ALMS1: variants seen among roughly 807,000 people sequenced by gnomAD.
The protein encoded by ALMS1 is ALMS1 centrosome and basal body associated protein, also known as centrosome-associated protein ALMS1.
In ALMS1, 271 loss-of-function variants were observed where a neutral mutation model predicts 352.2. The ratio of observed to expected loss-of-function variants is 0.77; its 90% confidence interval spans 0.70 to 0.85. The LOEUF is 0.85. Among genes scored for constraint, ALMS1 ranks in the 40% least tolerant of loss-of-function variants. ALMS1 has a pLI of 0.00. For missense variants in ALMS1, 5,445 were observed against 4,870.7 expected (o/e 1.12, Z -3.51); for synonymous variants, 1,865 against 1,761.2 (o/e 1.06, Z -1.48).
intron 13 of ALMS1, among the ~76,000 whole-genome samples, chr2:73,555,961 T>C (rs1486343014): frequency 6.6e-6 from 1 of 152,192 alleles, no homozygotes; most frequent in Non-Finnish European, 1.5e-5. Flanking sequence ...TGTACACTGT[T>C]GGTTAATATA....
Position 73,522,595 on chromosome 2 carries a change from A to G in ALMS1, c.9781+2579A>G, listed in dbSNP as rs146914771. 5.7e-3 allele frequency among the ~76,000 whole-genome samples: 868 copies of G among 151,456 alleles called. 9 individuals carry two copies. Among genetic ancestry groups the G allele is most frequent in the Middle Eastern group, 0.027 (8 of 292 alleles). On this transcript the variant is annotated intron_variant, in intron 11 of 22. Transcript: ENST00000613296. ...AGGATTCTCCTGCCTCAGCCTCCCA[A>G]GTAGCTGGGACTACAGGCGCGCACC...
intron 13 of ALMS1, among the ~76,000 whole-genome samples, chr2:73,556,855 A>T (rs1165241552): frequency 2.0e-5 from 3 of 151,970 alleles, no homozygotes; most frequent in Non-Finnish European, 4.4e-5. Context: ...GGCGTGCACC[A>T]CGACGCCTGC....
Position 73,424,617 on chromosome 2 carries a change from G to A in ALMS1, c.952G>A (p.Gly318Arg). ...SQCPFLPSEQ[G>R]NNEETISSVD... ...GTGCCCTTTTTTACCTTCTGAACAAGGGAATAATGAAGAGACTATTTCGTC... is the reference window on the plus strand; with the variant it reads ...GTGCCCTTTTTTACCTTCTGAACAAAGGAATAATGAAGAGACTATTTCGTC... The change falls in exon 5 of 23, where the codon GGG (glycine) becomes AGG (arginine). Residue 318 changes from glycine to arginine, a missense_variant. Transcript: ENST00000613296. The A allele has an allele frequency of 4.3e-6, 7 of 1,613,980 alleles. No individual in the cohort carries two copies. The highest frequency in any genetic ancestry group is 5.9e-6 in the Non-Finnish European group (7 of 1,179,984).
intron 9 of ALMS1, among the ~76,000 whole-genome samples, chr2:73,467,692 A>T (rs1450558201): frequency 6.6e-6 from 1 of 152,092 alleles, no homozygotes; most frequent in Admixed American, 6.6e-5. Flanking sequence ...ACATAAATGT[A>T]TATCAAGAGT....
At chr2:73,458,790 T>C (rs1672126755) in intron 9 of ALMS1, 1 of 152,376 alleles carries the variant, frequency 6.6e-6, no homozygotes. Context: ...AAGACTAGAT[T>C]GTGGAAGGCA....
chr2:73,539,719 G>A (rs1198603159), intron 12 of ALMS1, among the ~76,000 whole-genome samples: 2 of 152,288 alleles, frequency 1.3e-5, no homozygotes, highest in Non-Finnish European at 2.9e-5. Context: ...AGAGAACTAC[G>A]TGGCGAATGT....
At chr2:73,539,572 A>G (rs1056690258) in intron 12 of ALMS1, among the ~76,000 whole-genome samples, 47 of 152,126 alleles carry the variant, frequency 3.1e-4, no homozygotes, top group African/African-American at 1.1e-3. Context: ...TGATCAAACT[A>G]CTCCGAGCTA....
intron 15 of ALMS1, among the ~76,000 whole-genome samples, chr2:73,566,131 TAAATCCA>T (rs1674796003): frequency 6.6e-6 from 1 of 152,234 alleles, no homozygotes; most frequent in Admixed American, 6.5e-5. Flanking sequence ...CGTTTTTCTG[TAAATCCA>T]AATTATTCTA....
rs543346172 is a variant in ALMS1 at position 73,601,362 on chromosome 2, C to T, written c.12040C>T (p.Arg4014Trp). 1.1e-5 allele frequency: 17 copies of T among 1,614,012 alleles called. No homozygotes were observed. Among genetic ancestry groups the T allele is most frequent in the Middle Eastern group, 3.3e-4 (2 of 6,084 alleles). Residue 4014 changes from arginine (R) to tryptophan (W), a missense_variant, in exon 19 of 23, where the codon CGG (arginine) becomes TGG (tryptophan). Transcript: ENST00000613296. Reference protein sequence around the residue: ...QNCQGQHLDGRGYLAGPGREA... With the variant: ...QNCQGQHLDGWGYLAGPGREA... ...CTGTCAGGGGCAGCACCTGGACGGT[C>T]GGGGCTACCTGGCAGGCCCAGGCAG... is the stretch of plus-strand genomic sequence containing the variant.
chr2:73,451,037 G>T lies in ALMS1; in HGVS notation c.4510G>T (p.Val1504Phe). The T allele has an allele frequency of 6.2e-7, 1 of 1,612,362 alleles. No homozygotes were observed. The highest frequency in any genetic ancestry group is 8.5e-7 in the Non-Finnish European group (1 of 1,179,576). The change falls in exon 8 of 23, where the codon GTT (valine) becomes TTT (phenylalanine). Residue 1504 changes from valine to phenylalanine, a missense_variant. Val to Phe is a conservative substitution (Grantham distance 50). Transcript: ENST00000613296. ...ACCTGAAGAGTCTCTGAAAGTTTCA[G>T]TTGCTCCTGGACCAGTTGGCCAGAC... is the stretch of plus-strand genomic sequence containing the variant. ...HLPEESLKVSVAPGPVGQTTG... is the reference protein window; with the variant it reads ...HLPEESLKVSFAPGPVGQTTG...
In ALMS1 at chr2:73,554,323, A is replaced by G. The variant is rs548247133; in HGVS notation, c.10079-2897A>G. 6.6e-5 allele frequency among the ~76,000 whole-genome samples: 10 copies of G among 152,192 alleles called. No homozygotes were observed. In the East Asian group the frequency reaches 1.5e-3, roughly 23 times the overall value. On this transcript the variant is annotated intron_variant, in intron 13 of 22. Coordinates refer to ENST00000613296, the MANE Select transcript of ALMS1 (RefSeq NM_001378454.1). ...AGGAAAGATAAAATTGTGAGCTTAT[A>G]TGTATATTCTCAAATATATTCAGGA...
Position 73,491,113 on chromosome 2 carries a change from T to C in ALMS1, c.9154T>C (p.Cys3052Arg). ...KALSCVHITL[C>R]PKTSSKLDSG... is the part of the protein sequence containing the mutation. Reference sequence around the variant, plus strand: ...ACTTTCTTGTGTTCATATAACTCTTTGTCCCAAGACTTCTTCCAAGTTGGA... The same window carrying C: ...ACTTTCTTGTGTTCATATAACTCTTCGTCCCAAGACTTCTTCCAAGTTGGA... The change falls in exon 10 of 23, where the codon TGT (cysteine) becomes CGT (arginine). Residue 3052 changes from cysteine to arginine, a missense_variant. Physicochemically the swap from Cys to Arg is radical, Grantham distance 180. Coordinates refer to ENST00000613296, the MANE Select transcript of ALMS1 (RefSeq NM_001378454.1). 1 of 1,614,206 alleles carries C rather than the reference T, an allele frequency of 6.2e-7. No homozygotes were observed.
intron 9 of ALMS1, among the ~76,000 whole-genome samples, chr2:73,484,451 T>G (rs1239324498): frequency 6.6e-6 from 1 of 151,698 alleles, no homozygotes; most frequent in East Asian, 1.9e-4. Flanking sequence ...CCGCTGTTAG[T>G]CTGATGGGCT....
In ALMS1 at chr2:73,447,890, C is replaced by CT. The variant is rs66492706; in HGVS notation, c.1433-64dup. Reference sequence around the variant, plus strand: ...AAGCTTTTTAAAGGCTCAAAGCTGGCTTTTTTCCAGCACATAGAATTTTAA... The same window carrying CT: ...AAGCTTTTTAAAGGCTCAAAGCTGGCTTTTTTTCCAGCACATAGAATTTTAA... On this transcript the variant is annotated intron_variant, in intron 7 of 22. Coordinates refer to ENST00000613296, the MANE Select transcript of ALMS1 (RefSeq NM_001378454.1). 550,239 of 1,474,370 alleles carry CT rather than the reference C, an allele frequency of 0.37. 106,244 individuals are homozygous for CT. The highest frequency in any genetic ancestry group is 0.65 in the African/African-American group (45,132 of 69,678). The allele number at this position is 1,474,370 out of a possible 1,614,324, so 91.3% of individuals were successfully genotyped here.
intron 10 of ALMS1, among the ~76,000 whole-genome samples, chr2:73,512,539 C>T (rs1454668342): frequency 1.3e-5 from 2 of 151,962 alleles, no homozygotes; most frequent in South Asian, 2.1e-4. Flanking sequence ...TTGTTTTGCT[C>T]ATTTTCTAAT....
At chr2:73,527,932 T>G (rs975496729) in intron 11 of ALMS1, among the ~76,000 whole-genome samples, 2 of 152,084 alleles carry the variant, frequency 1.3e-5, no homozygotes, top group African/African-American at 4.8e-5. Flanking sequence ...ATCCCGTAGG[T>G]TTTGGTATGT....
chr2:73,498,123 T>C (rs1673147260), intron 10 of ALMS1, among the ~76,000 whole-genome samples: 1 of 152,200 alleles, frequency 6.6e-6, no homozygotes, highest in Admixed American at 6.5e-5. Flanking sequence ...TAAAAATTCT[T>C]TATTGTTTAA....
chr2:73,541,160 A>T (rs985269939), intron 12 of ALMS1, among the ~76,000 whole-genome samples: 1 of 152,222 alleles, frequency 6.6e-6, no homozygotes, highest in Non-Finnish European at 1.5e-5. Context: ...AACAGAAATT[A>T]TAACAAACTG....
chr2:73,453,066 G>C lies in ALMS1; in HGVS notation c.6539G>C (p.Gly2180Ala). 1 of 1,613,900 alleles carries C rather than the reference G, an allele frequency of 6.2e-7. No homozygotes were observed. Among genetic ancestry groups the C allele is most frequent in the Non-Finnish European group, 8.5e-7 (1 of 1,179,996 alleles). ...SALGQADQIT[G>A]LQTVPSGTYS... ...CTTGGGCAAGCTGATCAAATTACCG[G>C]ATTACAAACAGTTCCCTCTGGTACT... The change falls in exon 8 of 23, where the codon GGA (glycine) becomes GCA (alanine). Residue 2180 changes from glycine (G) to alanine (A), a missense_variant. Transcript: ENST00000613296.
Sources: gnomAD v4.1 joint callset for allele counts (sites outside exome capture counted in the v4.1 genomes callset) on GRCh38, gnomAD v4.1.1 for gene constraint, MANE v1.5 for transcripts, NCBI Gene and HGNC (gene_info 2026-07-23, HGNC 2026-07-21) for gene names.